Variants in TMEM161B observed in about 807,000 individuals in gnomAD.
The protein encoded by TMEM161B is transmembrane protein 161B.
Under a neutral mutation model 61.8 loss-of-function variants are expected in TMEM161B, and 34 were observed. The ratio of observed to expected loss-of-function variants is 0.55; its 90% CI spans 0.42 to 0.73. The LOEUF is 0.73. Ranked by LOEUF, TMEM161B falls within the 30% of genes least tolerant of loss-of-function variation. The pLI is 0.00. For synonymous variants in TMEM161B, 167 were observed against 192.8 expected, an observed-to-expected ratio of 0.87 and a Z score of 1.11; for missense variants, 456 against 558.5, an observed-to-expected ratio of 0.82 and a Z score of 1.85.
chr5:88,209,733 A>T lies in TMEM161B; in HGVS notation c.447-2553T>A, dbSNP rs568916640. On this transcript the variant is annotated intron_variant, in intron 5 of 11. Transcript: ENST00000296595. ...CCAATAACCCGTATGTAATACTATG[A>T]TCTGGCCACACTCACATGTTCAAGC... Among the ~76,000 whole-genome samples the T allele has an allele frequency of 4.6e-5, 7 of 152,288 alleles. No individual in the cohort carries two copies. In the South Asian group the frequency reaches 1.4e-3, roughly 32 times the overall value.
chr5:88,207,203 A>G (rs776662796), intron 5 of TMEM161B, 23 bp from the exon 6 acceptor site: 1 of 1,592,492 alleles, frequency 6.3e-7, no homozygotes, highest in South Asian at 1.2e-5. Flanking sequence ...AAGTTCAGGA[A>G]AAACCACAAT....
intron 2 of TMEM161B, among the ~76,000 whole-genome samples, chr5:88,231,484 T>A (rs923974093): frequency 6.6e-6 from 1 of 152,192 alleles, no homozygotes; most frequent in African/African-American, 2.4e-5. Flanking sequence ...AGTGAAAGAT[T>A]CTTGGAGAAA....
chr5:88,220,822 C>T, intron 4 of TMEM161B, 103 bp from the exon 5 acceptor site: 1 of 1,342,344 alleles, frequency 7.4e-7, no homozygotes, highest in Non-Finnish European at 9.8e-7. Context: ...TTAAAATACG[C>T]TAGACTTTAT....
chr5:88,206,921 T>C, intron 6 of TMEM161B, 108 bp downstream of exon 6: 1 of 955,362 alleles, frequency 1.0e-6, no homozygotes, highest in Non-Finnish European at 1.6e-6. Context: ...GTATACACTT[T>C]AAATTTAATT....
rs1026667150 is a variant in TMEM161B at position 88,200,886 on chromosome 5, G to A, written c.915-1736C>T. On this transcript the variant is annotated intron_variant, in intron 9 of 11. Coordinates refer to ENST00000296595, the MANE Select transcript of TMEM161B (RefSeq NM_153354.5). ...ATGATGGACTCAAACACATTTCTGG[G>A]TTGAAACTACATTATACCATATTTT... is the stretch of plus-strand genomic sequence containing the variant. 6 of 152,034 alleles carry A rather than the reference G, an allele frequency of 3.9e-5. No individual in the cohort carries two copies. In the East Asian group the frequency reaches 9.7e-4, roughly 24 times the overall value. The allele number at this position is 152,034 out of a possible 1,614,324, so 9.4% of individuals were successfully genotyped here.
At chr5:88,200,525 T>C (rs1390580171) in intron 9 of TMEM161B, 1 of 152,064 alleles carries the variant, frequency 6.6e-6, no homozygotes, top group East Asian at 1.9e-4. Flanking sequence ...ACAGGTAACG[T>C]GAATGAAAGG....
chr5:88,253,258 C>T (rs778722057), intron 1 of TMEM161B, among the ~76,000 whole-genome samples: 1 of 152,060 alleles, frequency 6.6e-6, no homozygotes, highest in African/African-American at 2.4e-5. Context: ...TTTCTTTCAT[C>T]GTATGTGGAT....
At chr5:88,228,756 A>C (rs549749048) in intron 2 of TMEM161B, among the ~76,000 whole-genome samples, 1 of 152,184 alleles carries the variant, frequency 6.6e-6, no homozygotes, top group Non-Finnish European at 1.5e-5. Flanking sequence ...CTACAATGCC[A>C]TTTGTATGTA....
At chr5:88,207,929 C>G (rs901801936) in intron 5 of TMEM161B, among the ~76,000 whole-genome samples, 1 of 152,182 alleles carries the variant, frequency 6.6e-6, no homozygotes, top group African/African-American at 2.4e-5. Context: ...GGAAAATTAA[C>G]AGCTATCACT....
chr5:88,261,726 T>C (rs188947312), intron 1 of TMEM161B, among the ~76,000 whole-genome samples: 114 of 99,312 alleles, frequency 1.1e-3, no homozygotes, highest in African/African-American at 3.1e-3. Flanking sequence ...TAGACATTCA[T>C]GTGCAAAAAA....
intron 10 of TMEM161B, chr5:88,198,382 C>G (rs1190619827): frequency 6.6e-6 from 1 of 151,888 alleles, no homozygotes; most frequent in African/African-American, 2.4e-5. Flanking sequence ...TACTTGAGCC[C>G]AGGAGTTCAA....
chr5:88,213,073 C>T (rs1176126112), intron 5 of TMEM161B, among the ~76,000 whole-genome samples: 1 of 152,048 alleles, frequency 6.6e-6, no homozygotes, highest in East Asian at 1.9e-4. Flanking sequence ...TAAATAAAAT[C>T]CCTAATGTTT....
chr5:88,202,772 A>G (rs139760837), intron 9 of TMEM161B, 190 bp downstream of exon 9: 1 of 607,124 alleles, frequency 1.6e-6, no homozygotes, highest in African/African-American at 1.9e-5. Context: ...CATTAACATT[A>G]ACTAATAAAG....
intron 5 of TMEM161B, among the ~76,000 whole-genome samples, chr5:88,219,049 TG>T (rs1223028948): frequency 6.6e-6 from 1 of 151,974 alleles, no homozygotes; most frequent in East Asian, 1.9e-4. Flanking sequence ...GCACATCAGG[TG>T]GGAAGGTCAA....
chr5:88,196,358 T>C lies in TMEM161B; in HGVS notation c.1317A>G (p.Ile439Met). Residue 439 changes from isoleucine (I) to methionine (M), a missense_variant, in exon 12 of 12, where the codon ATA becomes ATG. Physicochemically the swap from Ile to Met is conservative, Grantham distance 10. Coordinates refer to ENST00000296595, the MANE Select transcript of TMEM161B (RefSeq NM_153354.5). ...TTTTTAAGCTGCTCAGTGCCACTGT[T>C]ATTTGTGTAACAGTTACCTTCATTT... Reference protein sequence around the residue: ...EGKMKVTVTQITVALSSLKNI... With the variant: ...EGKMKVTVTQMTVALSSLKNI... 2 of 1,613,460 alleles carry C rather than the reference T, an allele frequency of 1.2e-6. No homozygotes were observed. The highest frequency in any genetic ancestry group is 1.7e-6 in the Non-Finnish European group (2 of 1,179,570).
chr5:88,221,102 T>TA (rs1346217597), intron 4 of TMEM161B, among the ~76,000 whole-genome samples: 4 of 152,236 alleles, frequency 2.6e-5, no homozygotes, highest in Non-Finnish European at 5.9e-5. Flanking sequence ...GAAAACAACT[T>TA]AGTCTGGAAC....
chr5:88,224,579 G>C (rs541592969), intron 4 of TMEM161B, among the ~76,000 whole-genome samples: 2 of 152,258 alleles, frequency 1.3e-5, no homozygotes, highest in Non-Finnish European at 2.9e-5. Context: ...TTTCTGATTT[G>C]TAATCCAGTT....
downstream of TMEM161B, among the ~76,000 whole-genome samples, chr5:88,193,857 C>T (rs1255513505): frequency 1.3e-5 from 2 of 152,076 alleles, no homozygotes; most frequent in African/African-American, 4.8e-5. Context: ...ATAAAACAAA[C>T]ACATTTTGAT....
At chr5:88,252,615 T>C (rs1251672148) in intron 1 of TMEM161B, among the ~76,000 whole-genome samples, 2 of 152,116 alleles carry the variant, frequency 1.3e-5, no homozygotes, top group Non-Finnish European at 2.9e-5. Context: ...TTTCAAGATG[T>C]TTTAGTTTGG....
Sources: allele counts gnomAD v4.1 joint callset (sites outside exome capture counted in the v4.1 genomes callset), GRCh38; gene constraint gnomAD v4.1.1; transcripts MANE v1.5; gene names NCBI Gene and HGNC (gene_info 2026-07-23, HGNC 2026-07-21).